ETFA: variants seen among roughly 807,000 people sequenced by gnomAD.
The protein encoded by ETFA is electron transfer flavoprotein subunit alpha, mitochondrial.
Under a neutral mutation model 46.2 loss-of-function variants are expected in ETFA, and 22 were observed. That is an observed-to-expected ratio of 0.48 (90% CI 0.34 to 0.68). The LOEUF (loss-of-function observed/expected upper bound fraction) is 0.68, where lower values mean the gene tolerates loss of function less well. ETFA is among the 30% of genes least tolerant of loss of function. The pLI is 0.01. For synonymous variants in ETFA, 131 were observed against 139.9 expected (o/e 0.94, Z 0.45); for missense variants, 345 against 401.1 (o/e 0.86, Z 1.19).
intron 4 of ETFA, among the ~76,000 whole-genome samples, chr15:76,288,902 A>ATTCTTC (rs925770795): frequency 9.0e-5 from 10 of 110,528 alleles, no homozygotes; most frequent in African/African-American, 2.9e-4. Context: ...GTCTCAGTTA[A>ATTCTTC]TTCTTCTTCT....
chr15:76,227,292 G>A (rs1046462127), intron 10 of ETFA, among the ~76,000 whole-genome samples: 9 of 151,776 alleles, frequency 5.9e-5, no homozygotes, highest in Admixed American at 2.0e-4. Context: ...TGAGGCAGGC[G>A]GATCACTTGA....
intron 9 of ETFA, among the ~76,000 whole-genome samples, chr15:76,235,464 T>C (rs1159571688): frequency 6.6e-6 from 1 of 152,222 alleles, no homozygotes; most frequent in African/African-American, 2.4e-5. Context: ...AAAAGAGTTG[T>C]GTGGACTTGA....
intron 1 of ETFA, among the ~76,000 whole-genome samples, chr15:76,301,632 C>T (rs1053322850): frequency 6.6e-6 from 1 of 152,148 alleles, no homozygotes; most frequent in Admixed American, 6.5e-5. Flanking sequence ...ATCACTTGAA[C>T]CCTGGAGGTG....
At chr15:76,265,912 C>A (rs1210359644) in intron 9 of ETFA, among the ~76,000 whole-genome samples, 1 of 152,126 alleles carries the variant, frequency 6.6e-6, no homozygotes, top group Non-Finnish European at 1.5e-5. Flanking sequence ...CATTGTTGAG[C>A]CTCTGGCTCC....
intron 1 of ETFA, among the ~76,000 whole-genome samples, chr15:76,298,384 G>A (rs2039847697): frequency 6.6e-6 from 1 of 152,104 alleles, no homozygotes; most frequent in African/African-American, 2.4e-5. Context: ...AAGGGTTCTA[G>A]GAAGCTATCT....
chr15:76,277,504 CAAA>C (rs56030685), intron 8 of ETFA, among the ~76,000 whole-genome samples: 74 of 149,840 alleles, frequency 4.9e-4, no homozygotes, highest in African/African-American at 1.7e-3. Context: ...AAAACAAAAA[CAAA>C]AAAAAAAAAC....
intron 9 of ETFA, among the ~76,000 whole-genome samples, chr15:76,270,944 C>T (rs559397027): frequency 5.9e-5 from 9 of 152,126 alleles, no homozygotes; most frequent in African/African-American, 1.2e-4. Flanking sequence ...CCAAGGTGGG[C>T]GGATCACTTG....
chr15:76,292,153 A>T (rs2039770921), intron 4 of ETFA, among the ~76,000 whole-genome samples: 1 of 152,178 alleles, frequency 6.6e-6, no homozygotes, highest in East Asian at 1.9e-4. Context: ...TCTCTCTCTC[A>T]CATGCAAGCA....
chr15:76,270,475 A>G (rs975791813), intron 9 of ETFA, among the ~76,000 whole-genome samples: 5 of 152,244 alleles, frequency 3.3e-5, no homozygotes, highest in African/African-American at 1.2e-4. Flanking sequence ...ATATATGCAT[A>G]TATTTGCCTA....
At chr15:76,275,924 T>A (rs1167671790) in intron 8 of ETFA, among the ~76,000 whole-genome samples, 2 of 152,190 alleles carry the variant, frequency 1.3e-5, no homozygotes, top group South Asian at 2.1e-4. Flanking sequence ...CACTTATACA[T>A]GAGCACATAA....
chr15:76,297,641 C>T (rs1284459839), intron 1 of ETFA, among the ~76,000 whole-genome samples: 1 of 152,102 alleles, frequency 6.6e-6, no homozygotes, highest in African/African-American at 2.4e-5. Context: ...AAGGAACCAT[C>T]AAGCTTTTAG....
intron 9 of ETFA, chr15:76,260,596 C>A: frequency 1.3e-6 from 2 of 1,511,894 alleles, no homozygotes; most frequent in African/African-American, 2.8e-5. Context: ...ATTGTCAGCT[C>A]ATCCTGGGTT....
intron 9 of ETFA, among the ~76,000 whole-genome samples, chr15:76,267,312 G>A (rs935938669): frequency 5.3e-5 from 8 of 152,168 alleles, no homozygotes; most frequent in Non-Finnish European, 7.3e-5. Context: ...TAGGACAAGC[G>A]AGGCTGCGCA....
rs75387038 is a variant in ETFA, at chr15:76,299,066, T to C, written c.40-3329A>G. Among the ~76,000 whole-genome samples the C allele has an allele frequency of 3.9e-3, 591 of 152,338 alleles. 4 individuals carry two copies. The highest frequency in any genetic ancestry group is 0.013 in the African/African-American group (540 of 41,578). On this transcript the variant is annotated intron_variant, in intron 1 of 11. Coordinates refer to ENST00000557943, the MANE Select transcript of ETFA (RefSeq NM_000126.4). ...ATTCTTAAACATTTAAAGATAACTA[T>C]TGAAATACTTAACGAGGTAATTGCC...
intron 2 of ETFA, among the ~76,000 whole-genome samples, chr15:76,293,335 C>CT (rs1390692779): frequency 6.6e-6 from 1 of 152,096 alleles, no homozygotes; most frequent in Non-Finnish European, 1.5e-5. Flanking sequence ...ATAAATTGTG[C>CT]TTTTTACTTT....
In ETFA at chr15:76,247,376, T is replaced by A. The variant is rs532488743; in HGVS notation, c.817-15978A>T. Among the ~76,000 whole-genome samples, 434 of 152,316 alleles carry A rather than the reference T, an allele frequency of 2.8e-3. 1 individual carries two copies. Among genetic ancestry groups the A allele is most frequent in the African/African-American group, 0.01 (422 of 41,562 alleles). Reference sequence around the variant, plus strand: ...GAACACAAGGAGACATACATTTTTTTAGATTTTTTTTCATCTAAGACTGCA... The same window carrying A: ...GAACACAAGGAGACATACATTTTTTAAGATTTTTTTTCATCTAAGACTGCA... On this transcript the variant is annotated intron_variant, in intron 9 of 11. Transcript: ENST00000557943.
chr15:76,304,240 A>G (rs142110166), intron 1 of ETFA, among the ~76,000 whole-genome samples: 18 of 152,328 alleles, frequency 1.2e-4, no homozygotes, highest in African/African-American at 3.4e-4. Context: ...GCCAAACATC[A>G]AATACCTATG....
chr15:76,308,597 T>C (rs899060519), intron 1 of ETFA, among the ~76,000 whole-genome samples: 3 of 151,998 alleles, frequency 2.0e-5, no homozygotes, highest in Admixed American at 1.3e-4. Flanking sequence ...AATACACCAA[T>C]GTCATCAAAC....
chr15:76,281,383 C>A (rs1045250243), intron 8 of ETFA, among the ~76,000 whole-genome samples: 2 of 152,078 alleles, frequency 1.3e-5, no homozygotes, highest in Non-Finnish European at 2.9e-5. Flanking sequence ...CTCCACCCCC[C>A]ATAACCCATC....
Sources: gnomAD v4.1 joint callset for allele counts (sites outside exome capture counted in the v4.1 genomes callset) on GRCh38, gnomAD v4.1.1 for gene constraint, MANE v1.5 for transcripts, NCBI Gene and HGNC (gene_info 2026-07-23, HGNC 2026-07-21) for gene names.